MDM2: variants seen among roughly 807,000 people sequenced by gnomAD.
The protein encoded by MDM2 is E3 ubiquitin-protein ligase Mdm2.
In MDM2, 11 loss-of-function variants were observed where a neutral mutation model predicts 64.3. That is an observed-to-expected ratio of 0.17 (90% confidence interval 0.11 to 0.28). The LOEUF is 0.28. Among genes scored for constraint, MDM2 ranks in the 10% least tolerant of loss-of-function variants. MDM2 has a pLI of 1.00. For missense variants in MDM2, 388 were observed against 577.1 expected (o/e 0.67, Z 3.36); for synonymous variants, 194 against 192.9 (o/e 1.01, Z -0.05).
Position 68,843,524 on chromosome 12 carries a change from A to G in MDM2, c.*3675A>G, listed in dbSNP as rs556178399. ...GATTAACTTCTTGATTTATATTTAA[A>G]TATGAATCTTAAGCAAAACAGTGAA... On this transcript the variant is annotated 3_prime_UTR_variant, in exon 11 of 11. Transcript: ENST00000258149. The G allele has an allele frequency of 4.4e-6, 1 of 226,302 alleles. No individual in the cohort carries two copies. The highest frequency in any genetic ancestry group is 1.8e-4 in the South Asian group (1 of 5,460). 14.0% of individuals were successfully genotyped at this position (226,302 alleles called of 1,614,324 possible).
chr12:68,811,283 AT>A (rs1880866605), intron 2 of MDM2, among the ~76,000 whole-genome samples: 1 of 152,138 alleles, frequency 6.6e-6, no homozygotes, highest in Admixed American at 6.6e-5. Flanking sequence ...TTTCAAGTAT[AT>A]TTAACTTTTG....
intron 4 of MDM2, among the ~76,000 whole-genome samples, chr12:68,817,316 G>T (rs538620827): frequency 9.2e-5 from 14 of 152,320 alleles, no homozygotes; most frequent in African/African-American, 3.1e-4. Flanking sequence ...ATTAGCTGTA[G>T]CTATTATAAC....
chr12:68,820,540 C>G, intron 5 of MDM2, 166 bp downstream of exon 5: 1 of 594,284 alleles, frequency 1.7e-6, no homozygotes, highest in Non-Finnish European at 3.0e-6. Context: ...GAACTAAAAC[C>G]ACATACTGAG....
intron 10 of MDM2, among the ~76,000 whole-genome samples, chr12:68,837,375 A>G (rs760399212): frequency 4.0e-5 from 6 of 148,694 alleles, no homozygotes; most frequent in Admixed American, 2.0e-4. Context: ...TTTTTTTTCA[A>G]TTGAGATAGG....
downstream of MDM2, chr12:68,845,664 A>C (rs936076821): frequency 2.9e-5 from 5 of 174,266 alleles, no homozygotes; most frequent in African/African-American, 1.2e-4. Flanking sequence ...CTACAATCCC[A>C]CATCTCTGCT....
rs1421160509 is a variant in MDM2 at position 68,839,466 on chromosome 12, A to G, written c.1111A>G (p.Thr371Ala). The change falls in exon 11 of 11, where the codon ACT (threonine) becomes GCT (alanine). Residue 371 changes from threonine to alanine, a missense_variant. By Grantham distance (58) the Thr-to-Ala change is moderately conservative. Around this residue, in one of 5 missense-constraint regions of MDM2, gnomAD observed 138 missense variants for 143.7 expected, o/e 0.96. Transcript: ENST00000258149. ...CTTTGATGTTCCTGATTGTAAAAAA[A>G]CTATAGTGAATGATTCCAGAGAGTC... is the stretch of plus-strand genomic sequence containing the variant. Reference protein sequence around the residue: ...EGFDVPDCKKTIVNDSRESCV... With the variant: ...EGFDVPDCKKAIVNDSRESCV... 3 of 1,614,010 alleles carry G rather than the reference A, an allele frequency of 1.9e-6. No homozygotes were observed. Among genetic ancestry groups the G allele is most frequent in the Non-Finnish European group, 2.5e-6 (3 of 1,180,018 alleles).
rs66832434 is a variant in MDM2, at chr12:68,840,506, TTTTGTTTG to T, written c.*677_*684del. 11,179 of 193,518 alleles carry T rather than the reference TTTTGTTTG, an allele frequency of 0.058. 1,364 individuals carry two copies. Among genetic ancestry groups the T allele is most frequent in the African/African-American group, 0.25 (10,548 of 42,492 alleles). The allele number at this position is 193,518 out of a possible 1,614,324, so 12.0% of individuals were successfully genotyped here. On this transcript the variant is annotated 3_prime_UTR_variant, in exon 11 of 11. Transcript: ENST00000258149. ...GTGTGAAAGATTTAGTTTTTTGTTT[TTTTGTTTG>T]TTTGTTTGTTTGTTTGTTTTGAGAT... is the stretch of plus-strand genomic sequence containing the variant.
chr12:68,824,978 G>A (rs1486558221), intron 7 of MDM2, among the ~76,000 whole-genome samples: 1 of 152,148 alleles, frequency 6.6e-6, no homozygotes, highest in East Asian at 1.9e-4. Context: ...GGAGGCCGAG[G>A]CTGGCGGATC....
chr12:68,809,367 C>T, intron 2 of MDM2, 75 bp downstream of exon 2: 2 of 1,271,494 alleles, frequency 1.6e-6, no homozygotes, highest in Non-Finnish European at 2.3e-6. Context: ...TCGTATACCT[C>T]AATTGTAGCA....
intron 8 of MDM2, among the ~76,000 whole-genome samples, chr12:68,834,394 A>G (rs1302595107): frequency 2.0e-5 from 3 of 151,682 alleles, no homozygotes; most frequent in African/African-American, 7.3e-5. Flanking sequence ...GTGAGCTGAG[A>G]TCATGCCACT....
chr12:68,823,500 T>C (rs1882044477), intron 5 of MDM2, among the ~76,000 whole-genome samples: 1 of 152,242 alleles, frequency 6.6e-6, no homozygotes, highest in Non-Finnish European at 1.5e-5. Flanking sequence ...CCTTGCCTTC[T>C]ATATCAAATA....
At chr12:68,815,433 CTT>C (rs58178593) in intron 3 of MDM2, among the ~76,000 whole-genome samples, 9 of 93,048 alleles carry the variant, frequency 9.7e-5, no homozygotes, top group African/African-American at 3.9e-4. Context: ...GTTTCTTCTT[CTT>C]TTTTTTTTTT....
chr12:68,811,144 C>T (rs538953532), intron 2 of MDM2, among the ~76,000 whole-genome samples: 9 of 152,280 alleles, frequency 5.9e-5, no homozygotes, highest in African/African-American at 2.2e-4. Flanking sequence ...GGATTACAGG[C>T]GTGAATCACT....
chr12:68,816,127 A>T (rs988166741), intron 3 of MDM2, among the ~76,000 whole-genome samples: 3 of 152,128 alleles, frequency 2.0e-5, no homozygotes, highest in Non-Finnish European at 4.4e-5. Flanking sequence ...ATGACTATTT[A>T]CTAAGTGGCT....
rs2136178278 is a variant in MDM2 at position 68,839,519 on chromosome 12, T to C, written c.1164T>C (p.Ile388=). The change falls in exon 11 of 11, where the codon ATT becomes ATC. Residue 388 remains isoleucine, a synonymous_variant. Transcript: ENST00000258149. ...ESCVEENDDK[I]TQASQSQESE... is the part of the protein sequence containing the mutation. ...GTGTTGAGGAAAATGATGATAAAATTACACAAGCTTCACAATCACAAGAAA... is the reference window on the plus strand; with the variant it reads ...GTGTTGAGGAAAATGATGATAAAATCACACAAGCTTCACAATCACAAGAAA... 1.2e-6 allele frequency: 2 copies of C among 1,613,944 alleles called. No individual in the cohort carries two copies. The highest frequency in any genetic ancestry group is 1.7e-6 in the Non-Finnish European group (2 of 1,180,018).
intron 3 of MDM2, among the ~76,000 whole-genome samples, 161 bp downstream of exon 3, chr12:68,813,789 T>C (rs991784182): frequency 6.6e-6 from 1 of 152,236 alleles, no homozygotes; most frequent in African/African-American, 2.4e-5. Flanking sequence ...AGCTGAAAAT[T>C]CTAATTATAC....
At chr12:68,837,778 G>A (rs1883427264) in intron 10 of MDM2, among the ~76,000 whole-genome samples, 1 of 151,922 alleles carries the variant, frequency 6.6e-6, no homozygotes, top group Non-Finnish European at 1.5e-5. Flanking sequence ...GGTATTATAG[G>A]TTTTTTTAAA....
At chr12:68,825,067 GGGCCTGGT>G (rs1882197823) in intron 7 of MDM2, among the ~76,000 whole-genome samples, 3 of 151,940 alleles carry the variant, frequency 2.0e-5, no homozygotes, top group Admixed American at 2.0e-4. Context: ...AAAAGTAGCT[GGGCCTGGT>G]GGCGCACACT....
intron 4 of MDM2, among the ~76,000 whole-genome samples, chr12:68,817,799 T>G (rs148935853): frequency 1.0e-3 from 154 of 152,086 alleles, no homozygotes; most frequent in African/African-American, 3.4e-3. Flanking sequence ...TTATTCTTTT[T>G]TTTGTTTGTT....
Sources: allele counts gnomAD v4.1 joint callset (sites outside exome capture counted in the v4.1 genomes callset), GRCh38; gene constraint gnomAD v4.1.1; regional missense constraint gnomAD v4.1.1; transcripts MANE v1.5; gene names NCBI Gene and HGNC (gene_info 2026-07-23, HGNC 2026-07-21).